The following LRRC9 variants were observed in gnomAD, a reference collection of about 807,000 sequenced individuals.
The protein encoded by LRRC9 is leucine-rich repeat-containing protein 9.
In LRRC9, 122 loss-of-function variants were observed where a neutral mutation model predicts 63.2. That is an observed-to-expected ratio of 1.93 (90% CI 1.67 to 2.24). The LOEUF is 2.24. LRRC9 is among the 30% of genes most tolerant of loss of function. LRRC9 has a pLI of 0.00. For synonymous variants in LRRC9, 366 were observed against 213.1 expected, an observed-to-expected ratio of 1.72 and a Z score of -6.25; for missense variants, 1,071 against 627.7, an observed-to-expected ratio of 1.71 and a Z score of -7.55.
intron 18 of LRRC9, among the ~76,000 whole-genome samples, chr14:59,998,519 G>A (rs1889031792): frequency 1.3e-5 from 2 of 151,956 alleles, no homozygotes; most frequent in Admixed American, 1.3e-4. Flanking sequence ...AGATTATAAA[G>A]TCAAGAATCT....
In LRRC9 at chr14:59,936,869, C is replaced by T. The variant is rs988375372; in HGVS notation, c.544-1521C>T. ...AACCTGACTTCACTATTCCCTTTTCCATTCCATTTTTACTGTAGCTTTAGA... is the reference window on the plus strand; with the variant it reads ...AACCTGACTTCACTATTCCCTTTTCTATTCCATTTTTACTGTAGCTTTAGA... On this transcript the variant is annotated intron_variant, in intron 6 of 31. Coordinates refer to ENST00000445360, the Ensembl canonical transcript of LRRC9. The surrounding 1 kb of genome is among the most constrained non-coding windows in gnomAD (Gnocchi z 4.2). Among the ~76,000 whole-genome samples, 3 of 152,132 alleles carry T rather than the reference C, an allele frequency of 2.0e-5. No individual in the cohort carries two copies. Among genetic ancestry groups the T allele is most frequent in the Non-Finnish European group, 2.9e-5 (2 of 68,016 alleles).
chr14:59,977,635 T>A (rs1886447355), intron 14 of LRRC9, among the ~76,000 whole-genome samples: 1 of 151,684 alleles, frequency 6.6e-6, no homozygotes, highest in African/African-American at 2.4e-5. Flanking sequence ...AGCACCCGAC[T>A]TTTAACAAGA....
At chr14:59,955,807 G>A (rs1428819832) in intron 8 of LRRC9, among the ~76,000 whole-genome samples, 1 of 152,076 alleles carries the variant, frequency 6.6e-6, no homozygotes, top group African/African-American at 2.4e-5. Flanking sequence ...TAACACTGCT[G>A]TAGCTGTGTC....
chr14:60,006,329 C>A, intron 21 of LRRC9, 68 bp from the exon 22 acceptor site: 1 of 611,058 alleles, frequency 1.6e-6, no homozygotes, highest in Non-Finnish European at 2.9e-6. Flanking sequence ...AAATGACCAG[C>A]CACTTATTTT....
chr14:60,032,913 G>C (rs1055666944), intron 29 of LRRC9, among the ~76,000 whole-genome samples: 6 of 152,032 alleles, frequency 3.9e-5, no homozygotes, highest in Admixed American at 3.9e-4. Flanking sequence ...ACATCATAGA[G>C]CTACTTCCAC....
intron 26 of LRRC9, among the ~76,000 whole-genome samples, chr14:60,020,496 A>G (rs1372927526): frequency 6.6e-6 from 1 of 151,896 alleles, no homozygotes; most frequent in Non-Finnish European, 1.5e-5. Context: ...CAGTTAATGT[A>G]TCATGTTTAC....
intron 23 of LRRC9, among the ~76,000 whole-genome samples, chr14:60,011,998 A>G (rs1890297125): frequency 6.6e-6 from 1 of 152,192 alleles, no homozygotes; most frequent in South Asian, 2.1e-4. Context: ...AACAGTTAAG[A>G]CCAAAAGCAT....
At chr14:60,040,318 T>G (rs1892835597) in intron 29 of LRRC9, among the ~76,000 whole-genome samples, 1 of 151,958 alleles carries the variant, frequency 6.6e-6, no homozygotes, top group Non-Finnish European at 1.5e-5. Flanking sequence ...ATATCCTTGT[T>G]AACTTTCTGT....
intron 13 of LRRC9, among the ~76,000 whole-genome samples, chr14:59,974,917 T>A (rs1885950189): frequency 6.6e-6 from 1 of 151,138 alleles, no homozygotes; most frequent in Non-Finnish European, 1.5e-5. Flanking sequence ...GTGATTATTA[T>A]GTCAGCATTA....
intron 6 of LRRC9, among the ~76,000 whole-genome samples, chr14:59,933,103 A>G (rs868396094): frequency 6.6e-6 from 1 of 152,102 alleles, no homozygotes; most frequent in Non-Finnish European, 1.5e-5. Flanking sequence ...CTTTCCTCAT[A>G]TACCTGCATG....
At position 59,985,213 on chromosome 14, in the gene LRRC9, GTATACCACTTGGTAA is replaced by G. The variant is rs1468513676; in HGVS notation, c.2201_2211+4del. On this transcript the variant is annotated splice_donor_variant and splice_donor_region_variant and coding_sequence_variant and intron_variant, in exon 17 of 32. Coordinates refer to ENST00000445360, the Ensembl canonical transcript of LRRC9. LOFTEE classifies it high-confidence loss of function. The stretch of plus-strand genomic sequence containing the variant: ...TAATGAATTTACCTGTTTAGATGAT[GTATACCACTTGGTAA>G]GAATTGTTCCTTTGAATCTAAAAAA... 9.1e-6 allele frequency: 6 copies of G among 659,068 alleles called. No individual in the cohort carries two copies. Among genetic ancestry groups the G allele is most frequent in the African/African-American group, 1.8e-5 (1 of 56,324 alleles). The allele number at this position is 659,068 out of a possible 1,614,324, so 40.8% of individuals were successfully genotyped here. A position where few individuals can be genotyped will look rare whatever the true frequency, so the allele number is the denominator to read the frequency against.
intron 31 of LRRC9, among the ~76,000 whole-genome samples, chr14:60,062,674 A>G (rs995260604): frequency 1.3e-5 from 2 of 152,222 alleles, no homozygotes; most frequent in African/African-American, 2.4e-5. Context: ...GCCTAGCTCA[A>G]AGCCTAAGAA....
At chr14:60,019,694 G>A (rs138740362) in intron 26 of LRRC9, among the ~76,000 whole-genome samples, 279 of 151,236 alleles carry the variant, frequency 1.8e-3, no homozygotes, top group Middle Eastern at 3.4e-3. Flanking sequence ...TAGCATGGAC[G>A]TGGGCTTTTT....
rs906810821 is a variant in LRRC9, at chr14:59,922,510, T to C, written c.-34+2627T>C. Among the ~76,000 whole-genome samples, 3 of 152,056 alleles carry C rather than the reference T, an allele frequency of 2.0e-5. No individual in the cohort carries two copies. The highest frequency in any genetic ancestry group is 4.4e-5 in the Non-Finnish European group (3 of 68,012). On this transcript the variant is annotated intron_variant, in intron 1 of 31. Transcript: ENST00000445360. This position sits in a 1 kb window ranked among gnomAD's most constrained non-coding sequence, Gnocchi z 5.3. ...ATAAAGGAGACCGTTGACAAGGAAATTTGGCAATAAATGAAAGAGGAAAAT... is the reference window on the plus strand; with the variant it reads ...ATAAAGGAGACCGTTGACAAGGAAACTTGGCAATAAATGAAAGAGGAAAAT...
intron 29 of LRRC9, among the ~76,000 whole-genome samples, chr14:60,052,260 T>C (rs563368111): frequency 1.3e-5 from 2 of 152,356 alleles, no homozygotes; most frequent in Admixed American, 1.3e-4. Flanking sequence ...GATACCTAGC[T>C]CATTAATTTT....
chr14:59,981,819 T>C, intron 15 of LRRC9, 29 bp from the exon 16 acceptor site: 1 of 668,606 alleles, frequency 1.5e-6, no homozygotes, highest in Non-Finnish European at 2.7e-6. Flanking sequence ...CAGCAACTGA[T>C]TTTGCAATGT....
chr14:59,972,503 C>A (rs1244424130), intron 12 of LRRC9, among the ~76,000 whole-genome samples: 1 of 152,050 alleles, frequency 6.6e-6, no homozygotes, highest in African/African-American at 2.4e-5. Context: ...GTTGAGCATG[C>A]ACTTAAAGAT....
intron 17 of LRRC9, among the ~76,000 whole-genome samples, chr14:59,993,380 G>A (rs1242599625): frequency 5.3e-5 from 8 of 152,224 alleles, no homozygotes; most frequent in South Asian, 2.1e-4. Flanking sequence ...AAAGACCATC[G>A]AGGCTAGGAA....
At chr14:60,020,641 C>A (rs1228025105) in intron 26 of LRRC9, among the ~76,000 whole-genome samples, 1 of 151,898 alleles carries the variant, frequency 6.6e-6, no homozygotes, top group Non-Finnish European at 1.5e-5. Flanking sequence ...CTTCCTTTCC[C>A]ACCTCTAGTC....
Sources: allele counts gnomAD v4.1 joint callset (sites outside exome capture counted in the v4.1 genomes callset), GRCh38; gene constraint gnomAD v4.1.1; non-coding constraint Gnocchi (gnomAD v3.1); transcripts MANE v1.5; gene names NCBI Gene and HGNC (gene_info 2026-07-23, HGNC 2026-07-21).